The following B3GALT1 variants were observed in gnomAD, a reference collection of about 807,000 sequenced individuals.
The protein encoded by B3GALT1 is beta-1,3-galactosyltransferase 1.
In B3GALT1, 10 loss-of-function variants were observed where a neutral mutation model predicts 23.2. The observed-to-expected ratio is 0.43, with a 90% CI of 0.27 to 0.73. B3GALT1 has a LOEUF of 0.73. B3GALT1 is among the 30% of genes least tolerant of loss of function. The pLI is 0.21. For synonymous variants in B3GALT1, 156 were observed against 141.5 expected, an observed-to-expected ratio of 1.10 and a Z score of -0.73; for missense variants, 299 against 405.4, an observed-to-expected ratio of 0.74 and a Z score of 2.25.
At chr2:167,662,298 A>G (rs1183871676) in intron 3 of B3GALT1, among the ~76,000 whole-genome samples, 3 of 152,136 alleles carry the variant, frequency 2.0e-5, no homozygotes, top group Admixed American at 6.5e-5. Context: ...TAGTTAAGCC[A>G]TGATTGATTG....
rs189216890 is a variant in B3GALT1, at chr2:167,559,840, C to G, written c.-410+69563C>G. On this transcript the variant is annotated intron_variant, in intron 2 of 4. Transcript: ENST00000392690. ...AAATCTACGTCTGATTGGTGTACCT[C>G]AAAGTGACGGGGAGAATGGAACCAA... Among the ~76,000 whole-genome samples, 38 of 152,244 alleles carry G rather than the reference C, an allele frequency of 2.5e-4. No individual in the cohort carries two copies. In the East Asian group the frequency reaches 4.4e-3, roughly 18 times the overall value.
intron 3 of B3GALT1, among the ~76,000 whole-genome samples, chr2:167,671,777 AAAT>A (rs1450994351): frequency 1.1e-4 from 17 of 152,034 alleles, no homozygotes; most frequent in Admixed American, 1.1e-3. Context: ...AGAAGGAAGG[AAAT>A]AATAAAGATT....
chr2:167,732,925 A>G (rs535763753), intron 3 of B3GALT1, among the ~76,000 whole-genome samples: 1 of 152,190 alleles, frequency 6.6e-6, no homozygotes, highest in Non-Finnish European at 1.5e-5. Context: ...AACTCTTTAG[A>G]TATGTTGCCT....
chr2:167,798,088 T>C (rs1010879157), intron 3 of B3GALT1, among the ~76,000 whole-genome samples: 7 of 152,232 alleles, frequency 4.6e-5, no homozygotes, highest in African/African-American at 1.4e-4. Flanking sequence ...CATGAATGTC[T>C]TCTTTTGAAA....
At chr2:167,765,950 A>G (rs1485898395) in intron 3 of B3GALT1, among the ~76,000 whole-genome samples, 2 of 152,226 alleles carry the variant, frequency 1.3e-5, no homozygotes, top group Non-Finnish European at 2.9e-5. Flanking sequence ...TGAGAGATGA[A>G]CAAACCTTTG....
chr2:167,662,707 AG>A (rs34489036), intron 3 of B3GALT1, among the ~76,000 whole-genome samples: 1,670 of 152,094 alleles, frequency 0.011, 32 homozygotes, highest in East Asian at 0.1. Flanking sequence ...GAAAAGTGAA[AG>A]ACCATACAAT....
chr2:167,351,577 C>T (rs910978701), intron 1 of B3GALT1, among the ~76,000 whole-genome samples: 1 of 152,112 alleles, frequency 6.6e-6, no homozygotes, highest in Non-Finnish European at 1.5e-5. Flanking sequence ...AACTAAAGTA[C>T]ACAAGTGTGT....
In B3GALT1 at chr2:167,826,403, A is replaced by C. The variant is rs1689226318; in HGVS notation, c.-230+7610A>C. Among the ~76,000 whole-genome samples, 3 of 152,174 alleles carry C rather than the reference A, an allele frequency of 2.0e-5. No homozygotes were observed. In the South Asian group the frequency reaches 6.2e-4, roughly 32 times the overall value. ...ACAGCTCCCCAAGCAACTGAACCAG[A>C]GCTGAGGAAGAGGAGGCAACAGGAG... On this transcript the variant is annotated intron_variant, in intron 4 of 4. Transcript: ENST00000392690.
At chr2:167,600,444 G>A (rs376012708) in intron 2 of B3GALT1, among the ~76,000 whole-genome samples, 11 of 152,152 alleles carry the variant, frequency 7.2e-5, no homozygotes, top group African/African-American at 1.4e-4. Context: ...CCTGTTCACC[G>A]AGTTGTACAA....
At chr2:167,592,148 A>T (rs376194435) in intron 2 of B3GALT1, among the ~76,000 whole-genome samples, 2 of 152,146 alleles carry the variant, frequency 1.3e-5, no homozygotes, top group Non-Finnish European at 2.9e-5. Flanking sequence ...CCAAGTGGAG[A>T]TGTCAACTAT....
At chr2:167,543,341 A>G (rs1397974307) in intron 2 of B3GALT1, among the ~76,000 whole-genome samples, 1 of 152,222 alleles carries the variant, frequency 6.6e-6, no homozygotes, top group African/African-American at 2.4e-5. Flanking sequence ...GATAAAATTA[A>G]TAAACTTTTT....
At chr2:167,746,223 A>G (rs900093539) in intron 3 of B3GALT1, among the ~76,000 whole-genome samples, 1 of 152,228 alleles carries the variant, frequency 6.6e-6, no homozygotes, top group African/African-American at 2.4e-5. Flanking sequence ...TGATTTGTTC[A>G]CTTAAAAGAA....
At position 167,600,225 on chromosome 2, in the gene B3GALT1, C is replaced by T. The variant is rs546473178; in HGVS notation, c.-409-46684C>T. Reference sequence around the variant, plus strand: ...TGAGCCGTAACCACAATGGTAGCATCCCACAATCAGTCATCACCCCTCTTT... The same window carrying T: ...TGAGCCGTAACCACAATGGTAGCATTCCACAATCAGTCATCACCCCTCTTT... On this transcript the variant is annotated intron_variant, in intron 2 of 4. Transcript: ENST00000392690. 1.1e-4 allele frequency among the ~76,000 whole-genome samples: 16 copies of T among 152,280 alleles called. 1 individual carries two copies. The South Asian group carries it at 3.3e-3, about 32-fold the overall frequency.
intron 2 of B3GALT1, among the ~76,000 whole-genome samples, chr2:167,520,816 G>A (rs1700176645): frequency 6.6e-6 from 1 of 152,212 alleles, no homozygotes; most frequent in Non-Finnish European, 1.5e-5. Context: ...ATCTGCAGCT[G>A]ATTTGGGAGC....
rs55702273 is a variant in B3GALT1 at position 167,418,678 on chromosome 2, CTTT to C, written c.-510-71485_-510-71483del. ...CCAATTTCTTCCTTTATTTCTTCCT[CTTT>C]TTTTTTTTTTTTTGAAATGGAGTTT... On this transcript the variant is annotated intron_variant, in intron 1 of 4. Coordinates refer to ENST00000392690, the MANE Select transcript of B3GALT1 (RefSeq NM_020981.4). Among the ~76,000 whole-genome samples, 324 of 122,894 alleles carry C rather than the reference CTTT, an allele frequency of 2.6e-3. 2 individuals carry two copies. Among genetic ancestry groups the C allele is most frequent in the East Asian group, 0.02 (86 of 4,266 alleles). The allele number at this position is 122,894 out of a possible 152,430, so 80.6% of individuals were successfully genotyped here. A position where few individuals can be genotyped will look rare whatever the true frequency, so the allele number is the denominator to read the frequency against.
At chr2:167,341,124 A>C (rs1400225082) in intron 1 of B3GALT1, among the ~76,000 whole-genome samples, 2 of 152,238 alleles carry the variant, frequency 1.3e-5, no homozygotes, top group African/African-American at 4.8e-5. Context: ...AAGATATCCA[A>C]ACTGAGTCAC....
At chr2:167,530,031 G>GT (rs994864174) in intron 2 of B3GALT1, among the ~76,000 whole-genome samples, 1 of 152,072 alleles carries the variant, frequency 6.6e-6, no homozygotes, top group African/African-American at 2.4e-5. Context: ...TCTAGCTCCT[G>GT]TTTACTTCTC....
intron 1 of B3GALT1, among the ~76,000 whole-genome samples, chr2:167,381,623 A>G (rs1227993408): frequency 1.3e-5 from 2 of 152,184 alleles, no homozygotes; most frequent in South Asian, 2.1e-4. Flanking sequence ...TAAATGCTGT[A>G]TTATACTTCA....
intron 1 of B3GALT1, among the ~76,000 whole-genome samples, chr2:167,345,769 T>C (rs972262015): frequency 6.6e-6 from 1 of 152,178 alleles, no homozygotes; most frequent in Non-Finnish European, 1.5e-5. Flanking sequence ...CTGTGGTAGA[T>C]GATTACTTAA....
Sources: allele counts gnomAD v4.1 joint callset (sites outside exome capture counted in the v4.1 genomes callset), GRCh38; gene constraint gnomAD v4.1.1; transcripts MANE v1.5; gene names NCBI Gene and HGNC (gene_info 2026-07-23, HGNC 2026-07-21).